The following SEC22C variants were observed in gnomAD, a reference collection of about 807,000 sequenced individuals.
SEC22C encodes the protein SEC22 homolog C, vesicle trafficking protein, also known as vesicle-trafficking protein SEC22c.
SEC22C carries 29 observed loss-of-function variants against 34.7 expected under a neutral mutation model. The observed-to-expected ratio is 0.84, with a 90% CI of 0.62 to 1.14. The LOEUF (loss-of-function observed/expected upper bound fraction) is 1.14, where lower values mean the gene tolerates loss of function less well. Ranked by LOEUF, SEC22C falls within the 50% of genes most tolerant of loss-of-function variation. The pLI, the probability that SEC22C is intolerant of heterozygous loss-of-function variation, is 0.00. For synonymous variants in SEC22C, 117 were observed against 132.8 expected (o/e 0.88, Z 0.82); for missense variants, 337 against 369.0 (o/e 0.91, Z 0.71).
chr3:42,588,611 G>A (rs1219700407), intron 1 of SEC22C, among the ~76,000 whole-genome samples: 1 of 152,032 alleles, frequency 6.6e-6, no homozygotes, highest in African/African-American at 2.4e-5. Flanking sequence ...GCATAAGATT[G>A]GTAAGCAAGT....
chr3:42,581,169 G>A (rs1704318264), intron 1 of SEC22C: 1 of 152,130 alleles, frequency 6.6e-6, no homozygotes, highest in Non-Finnish European at 1.5e-5. Context: ...ATCTTTAGTG[G>A]GATCAACTCT....
At position 42,549,324 on chromosome 3, in the gene SEC22C, G is replaced by C; in HGVS notation, c.*3924C>G. The C allele has an allele frequency of 1.0e-6, 1 of 985,622 alleles. No homozygotes were observed. The highest frequency in any genetic ancestry group is 1.2e-6 in the Non-Finnish European group (1 of 830,098). 61.1% of individuals were successfully genotyped at this position (985,622 alleles called of 1,614,324 possible). A position where few individuals can be genotyped will look rare whatever the true frequency, so the allele number is the denominator to read the frequency against. On this transcript the variant is annotated 3_prime_UTR_variant, in exon 7 of 7. Transcript: ENST00000264454. ...CAAGCAAGCAGCAGGTTCTCAGAAG[G>C]CCACTGTCCTGCATGTCACAATGAG...
chr3:42,588,975 T>C (rs1335022669), intron 1 of SEC22C, among the ~76,000 whole-genome samples: 1 of 151,760 alleles, frequency 6.6e-6, no homozygotes, highest in Non-Finnish European at 1.5e-5. Context: ...TGAAATGGGA[T>C]GAAAGCAGGC....
Position 42,557,639 on chromosome 3 carries a change from T to C in SEC22C, c.584A>G (p.Asn195Ser), listed in dbSNP as rs773919881. The C allele has an allele frequency of 1.6e-5, 26 of 1,612,144 alleles. No homozygotes were observed. Among genetic ancestry groups the C allele is most frequent in the Non-Finnish European group, 2.1e-5 (25 of 1,179,036 alleles). ...GAGATTCAGGGCAGCACACATGATG[T>C]TGAGAATGAGGGAGAGGATACCCAG... ...TALGILSLIL[N>S]IMCAALNLIR... Residue 195 changes from asparagine (N) to serine (S), a missense_variant, in exon 5 of 7, where the codon AAC (asparagine) becomes AGC (serine). Coordinates refer to ENST00000264454, the MANE Select transcript of SEC22C (RefSeq NM_032970.4).
chr3:42,598,441 C>T lies in SEC22C; in HGVS notation c.-28+2519G>A, dbSNP rs138480981. Reference sequence around the variant, plus strand: ...CTCCCGGGTTCAAGTGATTCTCCTGCGTCAGCCTCCTGAGTAGCTGGGATT... The same window carrying T: ...CTCCCGGGTTCAAGTGATTCTCCTGTGTCAGCCTCCTGAGTAGCTGGGATT... On this transcript the variant is annotated intron_variant, in intron 1 of 6. Coordinates refer to the SEC22C transcript ENST00000417572. Among the ~76,000 whole-genome samples the T allele has an allele frequency of 7.5e-3, 1,140 of 151,764 alleles. 8 individuals carry two copies. Among genetic ancestry groups the T allele is most frequent in the South Asian group, 0.02 (98 of 4,798 alleles).
chr3:42,551,809 G>A lies in SEC22C; in HGVS notation c.*1439C>T. On this transcript the variant is annotated 3_prime_UTR_variant, in exon 7 of 7. Coordinates refer to ENST00000264454, the MANE Select transcript of SEC22C (RefSeq NM_032970.4). ...ATACCAGTGATAACCAAATATAATT[G>A]AATTTTTCTAAAACTACATTCTTAC... 1 of 977,068 alleles carries A rather than the reference G, an allele frequency of 1.0e-6. No individual in the cohort carries two copies. 60.5% of individuals were successfully genotyped at this position (977,068 alleles called of 1,614,324 possible). A position where few individuals can be genotyped will look rare whatever the true frequency, so the allele number is the denominator to read the frequency against.
chr3:42,578,735 C>T (rs1461013162), intron 1 of SEC22C, among the ~76,000 whole-genome samples: 2 of 152,058 alleles, frequency 1.3e-5, no homozygotes, highest in East Asian at 1.9e-4. Context: ...AAAGTATTAA[C>T]TTAAGATCCT....
Position 42,562,293 on chromosome 3 carries a change from G to A in SEC22C, c.347-997C>T, listed in dbSNP as rs147690439. 6.8e-4 allele frequency among the ~76,000 whole-genome samples: 104 copies of A among 152,322 alleles called. 2 individuals carry two copies. In the East Asian group the frequency reaches 0.019, roughly 28 times the overall value. Reference sequence around the variant, plus strand: ...GAAGGAAGGCACATGCAGAGATAAGGGGAGAGAAGAACACAGGTCTACCGA... The same window carrying A: ...GAAGGAAGGCACATGCAGAGATAAGAGGAGAGAAGAACACAGGTCTACCGA... On this transcript the variant is annotated intron_variant, in intron 3 of 6. Coordinates refer to ENST00000264454, the MANE Select transcript of SEC22C (RefSeq NM_032970.4).
chr3:42,561,103 A>AT lies in SEC22C; in HGVS notation c.526+13_526+14insA. 6.2e-7 allele frequency: 1 copy of AT among 1,607,646 alleles called. No individual in the cohort carries two copies. The highest frequency in any genetic ancestry group is 8.5e-7 in the Non-Finnish European group (1 of 1,175,060). ...TATCACTTCATCAACATCAGGGAAC[A>AT]ACAAGCCACTTACCAGGCTCCAAGT... On this transcript the variant is annotated intron_variant, in intron 4 of 6. Coordinates refer to ENST00000264454, the MANE Select transcript of SEC22C (RefSeq NM_032970.4).
rs1276626588 is a variant in SEC22C at position 42,550,781 on chromosome 3, C to T, written c.*2467G>A. ...TGAATATGGATCATAGGCTCAGATG[C>T]CCAAAGCACCTGGGGTACAGGTCTA... On this transcript the variant is annotated 3_prime_UTR_variant, in exon 7 of 7. Transcript: ENST00000264454. 2 of 984,962 alleles carry T rather than the reference C, an allele frequency of 2.0e-6. No homozygotes were observed. The highest frequency in any genetic ancestry group is 2.4e-6 in the Non-Finnish European group (2 of 829,898). The allele number at this position is 984,962 out of a possible 1,614,324, so 61.0% of individuals were successfully genotyped here.
rs1396783862 is a variant in SEC22C at position 42,549,149 on chromosome 3, C to T, written c.*4099G>A. On this transcript the variant is annotated 3_prime_UTR_variant, in exon 7 of 7. Transcript: ENST00000264454. ...CTTTCTCCACCATTATTAACACTCA[C>T]AGGGCACAGGTAGAGCGTCCCCAGA... 3.0e-6 allele frequency: 3 copies of T among 992,260 alleles called. No homozygotes were observed. Among genetic ancestry groups the T allele is most frequent in the East Asian group, 2.2e-4 (2 of 9,242 alleles). The allele number at this position is 992,260 out of a possible 1,614,324, so 61.5% of individuals were successfully genotyped here.
intron 1 of SEC22C, among the ~76,000 whole-genome samples, chr3:42,599,300 TATAAA>T (rs1229125258): frequency 6.6e-6 from 1 of 151,488 alleles, no homozygotes; most frequent in African/African-American, 2.4e-5. Context: ...AAAAAAAACT[TATAAA>T]ATAGTGTGGT....
chr3:42,577,286 T>A (rs959407847), intron 1 of SEC22C, among the ~76,000 whole-genome samples: 1 of 152,168 alleles, frequency 6.6e-6, no homozygotes, highest in African/African-American at 2.4e-5. Flanking sequence ...CTTTTCAATT[T>A]TGCTTCTCTA....
At chr3:42,599,297 A>C (rs1212587965) in intron 1 of SEC22C, among the ~76,000 whole-genome samples, 4 of 151,914 alleles carry the variant, frequency 2.6e-5, no homozygotes, top group African/African-American at 9.6e-5. Flanking sequence ...TAAAAAAAAA[A>C]CTTATAAAAT....
At chr3:42,561,826 T>C (rs528119813) in intron 3 of SEC22C, among the ~76,000 whole-genome samples, 12 of 152,138 alleles carry the variant, frequency 7.9e-5, no homozygotes, top group Non-Finnish European at 1.8e-4. Context: ...TGTGATTGAC[T>C]AAAAAGGCAA....
chr3:42,574,736 T>G (rs1345509204), intron 1 of SEC22C, among the ~76,000 whole-genome samples: 1 of 152,180 alleles, frequency 6.6e-6, no homozygotes, highest in Non-Finnish European at 1.5e-5. Flanking sequence ...CAACAAGTCA[T>G]ACACATACTC....
At chr3:42,594,329 C>T in intron 1 of SEC22C, 1 of 888,934 alleles carries the variant, frequency 1.1e-6, no homozygotes. Context: ...AGTGGATGAG[C>T]CATTCCACTA....
chr3:42,584,058 T>C (rs966545949), upstream of SEC22C, among the ~76,000 whole-genome samples: 1 of 152,156 alleles, frequency 6.6e-6, no homozygotes, highest in Admixed American at 6.5e-5. Flanking sequence ...GATGGTCTAT[T>C]GTGGGACTTC....
rs1331293588 is a variant in SEC22C, at chr3:42,551,189, C to G, written c.*2059G>C. On this transcript the variant is annotated 3_prime_UTR_variant, in exon 7 of 7. Transcript: ENST00000264454. ...CATTTAAAACATTTTACCTCCCCTC[C>G]TTAACTTCCCATTCTATTTCACCAT... 1 of 985,252 alleles carries G rather than the reference C, an allele frequency of 1.0e-6. No individual in the cohort carries two copies. The highest frequency in any genetic ancestry group is 1.7e-5 in the African/African-American group (1 of 57,204). 61.0% of individuals were successfully genotyped at this position (985,252 alleles called of 1,614,324 possible).
Sources: gnomAD v4.1 joint callset for allele counts (sites outside exome capture counted in the v4.1 genomes callset) on GRCh38, gnomAD v4.1.1 for gene constraint, MANE v1.5 for transcripts, NCBI Gene and HGNC (gene_info 2026-07-23, HGNC 2026-07-21) for gene names.